Variants in PINX1 observed in about 807,000 individuals in gnomAD.
PINX1 encodes the protein PIN2/TERF1-interacting telomerase inhibitor 1.
Under a neutral mutation model 25.4 loss-of-function variants are expected in PINX1, and 34 were observed. The observed-to-expected ratio is 1.34, with a 90% CI of 1.02 to 1.78. The LOEUF is 1.78. Ranked by LOEUF, PINX1 falls within the 40% of genes most tolerant of loss-of-function variation. The pLI is 0.00. For missense variants in PINX1, 592 were observed against 404.9 expected (o/e 1.46, Z -3.97); for synonymous variants, 197 against 147.7 (o/e 1.33, Z -2.42).
chr8:10,822,856 T>TA (rs562747009), intron 5 of PINX1, among the ~76,000 whole-genome samples: 6 of 152,140 alleles, frequency 3.9e-5, no homozygotes, highest in Non-Finnish European at 8.8e-5. Context: ...TTTGCTAAAA[T>TA]AAAAAAACAC....
Position 10,765,738 on chromosome 8 carries a change from T to G in PINX1, c.650A>C (p.Lys217Thr), listed in dbSNP as rs764560635. The change falls in exon 7 of 7, where the codon AAA (lysine) becomes ACA (threonine). Residue 217 changes from lysine to threonine, a missense_variant. Coordinates refer to ENST00000314787, the MANE Select transcript of PINX1 (RefSeq NM_017884.6). The stretch of plus-strand genomic sequence containing the variant: ...TTCCACATCTTTACCTGTGGCCTCT[T>G]TATTTCTTTTCTTCCCCCTTTTACG... Reference protein sequence around the residue: ...VERKRGKKRNKEATGKDVESY... With the variant: ...VERKRGKKRNTEATGKDVESY... The G allele has an allele frequency of 5.6e-6, 9 of 1,613,902 alleles. No individual in the cohort carries two copies. The highest frequency in any genetic ancestry group is 7.6e-6 in the Non-Finnish European group (9 of 1,179,902).
chr8:10,800,663 T>A (rs949856609), intron 6 of PINX1, among the ~76,000 whole-genome samples: 14 of 151,866 alleles, frequency 9.2e-5, no homozygotes, highest in South Asian at 4.2e-4. Flanking sequence ...AGAGATGGGG[T>A]TTCACCACAT....
chr8:10,833,071 C>A (rs1218186801), intron 2 of PINX1, 87 bp from the exon 3 acceptor site: 5 of 769,066 alleles, frequency 6.5e-6, no homozygotes, highest in African/African-American at 5.3e-5. Flanking sequence ...CAGATGCCTA[C>A]GGCAGGTGTT....
intron 1 of PINX1, among the ~76,000 whole-genome samples, chr8:10,835,136 G>C (rs1798362590): frequency 6.6e-6 from 1 of 152,194 alleles, no homozygotes; most frequent in Non-Finnish European, 1.5e-5. Flanking sequence ...AGCAGTAGTA[G>C]CAGCAGCATT....
intron 6 of PINX1, among the ~76,000 whole-genome samples, chr8:10,799,228 CAT>C (rs2129079198): frequency 6.6e-6 from 1 of 151,906 alleles, no homozygotes; most frequent in African/African-American, 2.4e-5. Context: ...TTATTATAAA[CAT>C]AAACTTATGT....
chr8:10,767,152 G>C lies in PINX1; in HGVS notation c.472-1236C>G, dbSNP rs553860559. ...GGGTGGGAAACGGCTCCTGAATAAA[G>C]AAATCTCCAAATCAGGATTCTACTA... is the stretch of plus-strand genomic sequence containing the variant. On this transcript the variant is annotated intron_variant, in intron 6 of 6. Transcript: ENST00000314787. Among the ~76,000 whole-genome samples the C allele has an allele frequency of 2.0e-4, 31 of 152,274 alleles. 1 individual carries two copies. In the East Asian group the frequency reaches 5.8e-3, roughly 28 times the overall value.
At chr8:10,793,668 T>C (rs983638926) in intron 6 of PINX1, among the ~76,000 whole-genome samples, 6 of 152,114 alleles carry the variant, frequency 3.9e-5, no homozygotes, top group African/African-American at 1.4e-4. Context: ...TTTGTTTTAA[T>C]TTTAATTATT....
intron 6 of PINX1, among the ~76,000 whole-genome samples, chr8:10,770,817 G>C (rs1293723753): frequency 6.6e-6 from 1 of 152,184 alleles, no homozygotes; most frequent in Non-Finnish European, 1.5e-5. Flanking sequence ...AAGTCTTTCA[G>C]CTCGCCAGCC....
chr8:10,837,633 A>C (rs988791433), intron 1 of PINX1, among the ~76,000 whole-genome samples: 19 of 152,198 alleles, frequency 1.2e-4, no homozygotes, highest in African/African-American at 4.6e-4. Flanking sequence ...ACCATCCTCT[A>C]GCAGGTACTC....
intron 6 of PINX1, 137 bp from the exon 7 acceptor site, chr8:10,766,053 T>C: frequency 2.5e-6 from 2 of 786,228 alleles, no homozygotes; most frequent in Non-Finnish European, 4.2e-6. Flanking sequence ...CACCCGGCAC[T>C]TAGGAGACAA....
intron 6 of PINX1, among the ~76,000 whole-genome samples, chr8:10,779,295 T>C (rs1023156579): frequency 3.9e-5 from 6 of 152,154 alleles, no homozygotes; most frequent in African/African-American, 1.2e-4. Context: ...CAAGAATAAA[T>C]GTATAAAATA....
In PINX1 at chr8:10,825,491, C is replaced by A. The variant is rs28613894; in HGVS notation, c.394+661G>T. On this transcript the variant is annotated intron_variant, in intron 5 of 6. Coordinates refer to ENST00000314787, the MANE Select transcript of PINX1 (RefSeq NM_017884.6). Reference sequence around the variant, plus strand: ...TTGGTTCTATTAGGTTAAATTGCTTCTTTCCAATGCAAGATCGCCACCTAG... The same window carrying A: ...TTGGTTCTATTAGGTTAAATTGCTTATTTCCAATGCAAGATCGCCACCTAG... 1,666 of 532,856 alleles carry A rather than the reference C, an allele frequency of 3.1e-3. 23 individuals carry two copies. The highest frequency in any genetic ancestry group is 0.029 in the African/African-American group (1,486 of 52,020). 33.0% of individuals were successfully genotyped at this position (532,856 alleles called of 1,614,324 possible). A position where few individuals can be genotyped will look rare whatever the true frequency, so the allele number is the denominator to read the frequency against.
chr8:10,827,969 T>C (rs190853169), intron 4 of PINX1, among the ~76,000 whole-genome samples: 4 of 146,022 alleles, frequency 2.7e-5, no homozygotes, highest in African/African-American at 1.0e-4. Context: ...ATAAGAGAAA[T>C]TGGAAAAAAA....
chr8:10,825,305 T>C (rs1798001178), intron 5 of PINX1: 1 of 534,090 alleles, frequency 1.9e-6, no homozygotes, highest in African/African-American at 1.9e-5. Context: ...AGATGTGCTG[T>C]TCCTGGCATA....
intron 4 of PINX1, among the ~76,000 whole-genome samples, chr8:10,828,397 G>T (rs1347612533): frequency 2.0e-5 from 3 of 152,188 alleles, no homozygotes; most frequent in Admixed American, 2.0e-4. Flanking sequence ...GGCTTTCCAT[G>T]AATTCTTGGA....
At position 10,765,983 on chromosome 8, in the gene PINX1, G is replaced by A. The variant is rs1586121192; in HGVS notation, c.472-67C>T. ...TGTTCATCCCTCACCGCACCCAGGA[G>A]GCACCCACACCCGGCGCTCACACCT... On this transcript the variant is annotated intron_variant, in intron 6 of 6. Coordinates refer to ENST00000314787, the MANE Select transcript of PINX1 (RefSeq NM_017884.6). 4 of 1,509,056 alleles carry A rather than the reference G, an allele frequency of 2.7e-6. No individual in the cohort carries two copies. The East Asian group carries it at 9.0e-5, about 34-fold the overall frequency. The allele number at this position is 1,509,056 out of a possible 1,614,324, so 93.5% of individuals were successfully genotyped here.
chr8:10,834,965 T>TTTCC (rs1798355958), intron 1 of PINX1, among the ~76,000 whole-genome samples, 190 bp from the exon 2 acceptor site: 1 of 152,242 alleles, frequency 6.6e-6, no homozygotes, highest in African/African-American at 2.4e-5. Flanking sequence ...CCCTAATAAA[T>TTTCC]GTATATTCTA....
intron 5 of PINX1, among the ~76,000 whole-genome samples, chr8:10,820,967 T>A (rs937243861): frequency 2.6e-5 from 4 of 152,250 alleles, no homozygotes; most frequent in Non-Finnish European, 5.9e-5. Flanking sequence ...CTCTTTAATT[T>A]CAAACCCCCA....
At chr8:10,838,956 G>A (rs967400395) in intron 1 of PINX1, among the ~76,000 whole-genome samples, 2 of 152,184 alleles carry the variant, frequency 1.3e-5, no homozygotes, top group South Asian at 2.1e-4. Flanking sequence ...AAATCCCTGT[G>A]CTGGTCTGCT....
Sources: allele counts gnomAD v4.1 joint callset (sites outside exome capture counted in the v4.1 genomes callset), GRCh38; gene constraint gnomAD v4.1.1; transcripts MANE v1.5; gene names NCBI Gene and HGNC (gene_info 2026-07-23, HGNC 2026-07-21).